ACAP2: variants seen among roughly 807,000 people sequenced by gnomAD.
ACAP2 encodes arf-GAP with coiled-coil, ANK repeat and PH domain-containing protein 2.
In ACAP2, 39 loss-of-function variants were observed where a neutral mutation model predicts 115.8. The observed-to-expected ratio is 0.34, with a 90% CI of 0.26 to 0.44. The LOEUF (loss-of-function observed/expected upper bound fraction) is 0.44, where lower values mean the gene tolerates loss of function less well. Among genes scored for constraint, ACAP2 ranks in the 20% least tolerant of loss-of-function variants. ACAP2 has a pLI of 1.00. For missense variants in ACAP2, 662 were observed against 927.6 expected (o/e 0.71, Z 3.72); for synonymous variants, 289 against 315.8 (o/e 0.92, Z 0.90).
In ACAP2 at chr3:195,326,576, T is replaced by C. The variant is rs1462185982; in HGVS notation, c.744+309A>G. On this transcript the variant is annotated intron_variant, in intron 9 of 22. Coordinates refer to ENST00000326793, the MANE Select transcript of ACAP2 (RefSeq NM_012287.6). ...CTTTTACAGGGAGTTGGTGGTATCCTAAATGTAATTATGAATAGTGTTTTG... is the reference window on the plus strand; with the variant it reads ...CTTTTACAGGGAGTTGGTGGTATCCCAAATGTAATTATGAATAGTGTTTTG... 1.9e-5 allele frequency: 5 copies of C among 269,554 alleles called. No homozygotes were observed. The South Asian group carries it at 1.9e-4, about 10-fold the overall frequency. The allele number at this position is 269,554 out of a possible 1,614,324, so 16.7% of individuals were successfully genotyped here. A position where few individuals can be genotyped will look rare whatever the true frequency, so the allele number is the denominator to read the frequency against.
In ACAP2 at chr3:195,362,233, T is replaced by C. The variant is rs544500337; in HGVS notation, c.286-16916A>G. The stretch of plus-strand genomic sequence containing the variant: ...CAGGAGGCTGAGGCAGGAGAATTGA[T>C]TGAACCTCGGAGACAGAGGTTGCAG... On this transcript the variant is annotated intron_variant, in intron 4 of 22. Transcript: ENST00000326793. 9.9e-5 allele frequency among the ~76,000 whole-genome samples: 15 copies of C among 151,820 alleles called. No homozygotes were observed. In the South Asian group the frequency reaches 1.9e-3, roughly 19 times the overall value.
intron 2 of ACAP2, among the ~76,000 whole-genome samples, chr3:195,388,962 T>C (rs1056090773): frequency 6.8e-6 from 1 of 146,550 alleles, no homozygotes; most frequent in Non-Finnish European, 1.5e-5. Flanking sequence ...AGGTGGAAGC[T>C]GCAATGAGCC....
At chr3:195,388,892 C>T (rs1215690697) in intron 2 of ACAP2, among the ~76,000 whole-genome samples, 1 of 151,770 alleles carries the variant, frequency 6.6e-6, no homozygotes, top group Non-Finnish European at 1.5e-5. Context: ...GGTGTGGTAT[C>T]GTGTCCCTGT....
At chr3:195,329,138 A>G (rs1019224910) in intron 8 of ACAP2, among the ~76,000 whole-genome samples, 9 of 152,260 alleles carry the variant, frequency 5.9e-5, no homozygotes, top group African/African-American at 2.2e-4. Flanking sequence ...CTAACCAAAA[A>G]AGTGGGGACA....
rs1162275706 is a variant in ACAP2 at position 195,424,283 on chromosome 3, ATTTTTTTTTTTTTTTTT to A, written c.53+18495_53+18511del. On this transcript the variant is annotated intron_variant, in intron 1 of 22. Transcript: ENST00000326793. The stretch of plus-strand genomic sequence containing the variant: ...TGTGTATATATATATATATATATAT[ATTTTTTTTTTTTTTTTT>A]TTTTTTTTTTTTGAAACAGAGTCTC... Among the ~76,000 whole-genome samples, 39 of 54,110 alleles carry A rather than the reference ATTTTTTTTTTTTTTTTT, an allele frequency of 7.2e-4. 1 individual carries two copies. The highest frequency in any genetic ancestry group is 5.3e-3 in the South Asian group (10 of 1,872). 35.5% of individuals were successfully genotyped at this position (54,110 alleles called of 152,430 possible).
intron 15 of ACAP2, among the ~76,000 whole-genome samples, chr3:195,297,849 T>C (rs555425311): frequency 6.6e-6 from 1 of 152,334 alleles, no homozygotes; most frequent in South Asian, 2.1e-4. Flanking sequence ...CAAATTCTTT[T>C]AGATTTTCCT....
Position 195,276,187 on chromosome 3 carries a change from T to A in ACAP2, c.*3141A>T, listed in dbSNP as rs1726182025. ...ATTGGCCAGATTCTGAATGTGTACT[T>A]TTTTTCTTTTTCAAAATGCACTCAT... On this transcript the variant is annotated 3_prime_UTR_variant, in exon 23 of 23. Transcript: ENST00000326793. 1 of 152,558 alleles carries A rather than the reference T, an allele frequency of 6.6e-6. No homozygotes were observed. Among genetic ancestry groups the A allele is most frequent in the Non-Finnish European group, 1.5e-5 (1 of 68,036 alleles). The allele number at this position is 152,558 out of a possible 1,614,324, so 9.5% of individuals were successfully genotyped here. A position where few individuals can be genotyped will look rare whatever the true frequency, so the allele number is the denominator to read the frequency against.
chr3:195,414,081 G>A (rs779844551), intron 1 of ACAP2, among the ~76,000 whole-genome samples: 10 of 152,102 alleles, frequency 6.6e-5, no homozygotes, highest in Non-Finnish European at 1.0e-4. Context: ...ATAATATGTC[G>A]TTAGAGAATT....
intron 4 of ACAP2, among the ~76,000 whole-genome samples, chr3:195,366,248 A>G (rs979633207): frequency 4.6e-5 from 7 of 152,240 alleles, no homozygotes; most frequent in African/African-American, 1.7e-4. Flanking sequence ...GGAAAACTAA[A>G]AGAAAATACA....
At chr3:195,430,841 T>C (rs1287000895) in intron 1 of ACAP2, among the ~76,000 whole-genome samples, 1 of 152,244 alleles carries the variant, frequency 6.6e-6, no homozygotes, top group Non-Finnish European at 1.5e-5. Flanking sequence ...ATTCCACCTA[T>C]GCGTTTGATT....
intron 4 of ACAP2, among the ~76,000 whole-genome samples, chr3:195,377,774 A>G (rs1318680549): frequency 6.6e-6 from 1 of 152,216 alleles, no homozygotes; most frequent in Non-Finnish European, 1.5e-5. Context: ...TTTCATTTTT[A>G]TATCTATTAA....
Position 195,381,980 on chromosome 3 carries a change from A to C in ACAP2, c.154T>G (p.Phe52Val). The C allele has an allele frequency of 1.2e-6, 2 of 1,611,798 alleles. No homozygotes were observed. Among genetic ancestry groups the C allele is most frequent in the Non-Finnish European group, 1.7e-6 (2 of 1,179,330 alleles). Reference protein sequence around the residue: ...CIAMIDTGKAFCVANKQFMNG... With the variant: ...CIAMIDTGKAVCVANKQFMNG... The stretch of plus-strand genomic sequence containing the variant: ...ATGAACTGTTTATTTGCAACACAAA[A>C]GGCTTTTCCAGTATCAATCATTGCA... The change falls in exon 3 of 23, where the codon TTT becomes GTT. Residue 52 changes from phenylalanine to valine, a missense_variant. By Grantham distance (50) the Phe-to-Val change is conservative (BLOSUM62 -1). This residue lies in a region of ACAP2 where 401 missense variants were observed against 604.4 expected (regional missense o/e 0.66). Transcript: ENST00000326793.
At chr3:195,384,939 C>T (rs901818928) in intron 2 of ACAP2, among the ~76,000 whole-genome samples, 5 of 151,884 alleles carry the variant, frequency 3.3e-5, no homozygotes, top group African/African-American at 7.3e-5. Context: ...TAAAATATTA[C>T]GGCAAAAAAT....
chr3:195,302,779 G>A (rs970583074), intron 13 of ACAP2, among the ~76,000 whole-genome samples: 1 of 152,144 alleles, frequency 6.6e-6, no homozygotes, highest in Non-Finnish European at 1.5e-5. Context: ...GCAAAAGATG[G>A]CTGATTAACA....
rs112437697 is a variant in ACAP2 at position 195,320,237 on chromosome 3, A to T, written c.857+464T>A. 4.1e-4 allele frequency among the ~76,000 whole-genome samples: 62 copies of T among 152,352 alleles called. No individual in the cohort carries two copies. The Middle Eastern group carries it at 0.017, about 42-fold the overall frequency. ...GTAGTATCTTTATAACAGTGAGAAA[A>T]TGGACTAATACAATAAGCAAACACT... On this transcript the variant is annotated intron_variant, in intron 10 of 22. Coordinates refer to ENST00000326793, the MANE Select transcript of ACAP2 (RefSeq NM_012287.6).
intron 13 of ACAP2, among the ~76,000 whole-genome samples, chr3:195,302,769 G>A (rs969851618): frequency 1.3e-5 from 2 of 152,118 alleles, no homozygotes; most frequent in Non-Finnish European, 2.9e-5. Context: ...GAGAAGAAAA[G>A]CAAAAGATGG....
chr3:195,397,207 G>A (rs1260345452), intron 1 of ACAP2, among the ~76,000 whole-genome samples: 1 of 152,092 alleles, frequency 6.6e-6, no homozygotes, highest in East Asian at 1.9e-4. Flanking sequence ...CAGGAGAGGT[G>A]CCTATATGTA....
At chr3:195,390,379 G>T (rs1222332896) in intron 2 of ACAP2, among the ~76,000 whole-genome samples, 1 of 151,930 alleles carries the variant, frequency 6.6e-6, no homozygotes, top group Non-Finnish European at 1.5e-5. Context: ...ATATATTACA[G>T]GGCTTTAAAA....
chr3:195,382,540 C>T (rs559106305), intron 2 of ACAP2, among the ~76,000 whole-genome samples: 1 of 152,042 alleles, frequency 6.6e-6, no homozygotes, highest in African/African-American at 2.4e-5. Context: ...CCTTCTTTCT[C>T]TCCTTTCTTT....
Sources: gnomAD v4.1 joint callset for allele counts (sites outside exome capture counted in the v4.1 genomes callset) on GRCh38, gnomAD v4.1.1 for gene constraint, gnomAD v4.1.1 regional missense constraint, MANE v1.5 for transcripts, NCBI Gene and HGNC (gene_info 2026-07-23, HGNC 2026-07-21) for gene names.